Variants in EDN2 observed in about 807,000 individuals in gnomAD.
EDN2 encodes the protein endothelin 2.
EDN2 carries 10 observed loss-of-function variants against 19.9 expected under a neutral mutation model. That is an observed-to-expected ratio of 0.50 (90% CI 0.31 to 0.85). The LOEUF is 0.85. Among genes scored for constraint, EDN2 ranks in the 40% least tolerant of loss-of-function variants. The pLI is 0.05. For synonymous variants in EDN2, 84 were observed against 94.9 expected, an observed-to-expected ratio of 0.89 and a Z score of 0.67; for missense variants, 222 against 239.3, an observed-to-expected ratio of 0.93 and a Z score of 0.48.
chr1:41,479,703 C>T (rs997584755), intron 4 of EDN2, among the ~76,000 whole-genome samples: 5 of 152,210 alleles, frequency 3.3e-5, no homozygotes, highest in African/African-American at 1.2e-4. Context: ...AGCTTCTCTG[C>T]ACATGGGGGC....
At chr1:41,482,371 G>A in intron 3 of EDN2, 95 bp downstream of exon 3, 1 of 1,386,190 alleles carries the variant, frequency 7.2e-7, no homozygotes, top group Non-Finnish European at 9.3e-7. Flanking sequence ...CAACTTGCCA[G>A]TTCGCTCCTC....
intron 3 of EDN2, 93 bp from the exon 4 acceptor site, chr1:41,481,286 A>C: frequency 4.2e-6 from 4 of 960,144 alleles, no homozygotes; most frequent in Non-Finnish European, 6.4e-6. Context: ...CCCCTTCCCC[A>C]TCCCCACCTG....
chr1:41,480,980 C>G lies in EDN2; in HGVS notation c.443+115G>C, dbSNP rs11572365. Reference sequence around the variant, plus strand: ...GGGCAAGTGGCTTTCCCTCTCTGAGCCTCAGTTCTCTTTGCTGCCCAATGA... The same window carrying G: ...GGGCAAGTGGCTTTCCCTCTCTGAGGCTCAGTTCTCTTTGCTGCCCAATGA... On this transcript the variant is annotated intron_variant, in intron 4 of 4. Coordinates refer to ENST00000372587, the MANE Select transcript of EDN2 (RefSeq NM_001956.5). 1.6e-4 allele frequency: 138 copies of G among 864,402 alleles called. No individual in the cohort carries two copies. In the East Asian group the frequency reaches 3.5e-3, roughly 22 times the overall value. 53.5% of individuals were successfully genotyped at this position (864,402 alleles called of 1,614,324 possible).
intron 2 of EDN2, chr1:41,483,121 T>TGG (rs751930472): frequency 1.8e-5 from 2 of 108,274 alleles, no homozygotes; most frequent in East Asian, 4.0e-4. Flanking sequence ...GACTTGAAAG[T>TGG]GGGGTGTGTG....
At chr1:41,482,663 G>A in intron 2 of EDN2, 75 bp from the exon 3 acceptor site, 1 of 1,475,402 alleles carries the variant, frequency 6.8e-7, no homozygotes, top group Non-Finnish European at 8.9e-7. Context: ...TAAAGAGAGA[G>A]AGGATTAAAT....
At chr1:41,480,922 T>C in intron 4 of EDN2, 173 bp downstream of exon 4, 1 of 651,652 alleles carries the variant, frequency 1.5e-6, no homozygotes, top group Non-Finnish European at 2.8e-6. Flanking sequence ...GACTCTGGGG[T>C]CAGCCAGATG....
In EDN2 at chr1:41,482,549, G is replaced by T. The variant is rs778406208; in HGVS notation, c.261C>A (p.Arg87=). The T allele has an allele frequency of 4.4e-6, 7 of 1,588,260 alleles. No individual in the cohort carries two copies. The East Asian group carries it at 1.7e-4, about 38-fold the overall frequency. Residue 87 remains arginine (R), a synonymous_variant, in exon 3 of 5, where the codon CGC becomes CGA. Transcript: ENST00000372587. ...APYGLGNPPR[R]RRRSLPRRCQ... is the part of the protein sequence containing the mutation. The stretch of plus-strand genomic sequence containing the variant: ...AGCGCCTTGGCAGGGAGCGGCGCCG[G>T]CGTCTTGGCGGGTTTCCCAGGCCGT...
At chr1:41,483,960 T>A in intron 2 of EDN2, 87 bp downstream of exon 2, 1 of 1,399,550 alleles carries the variant, frequency 7.1e-7, no homozygotes, top group South Asian at 1.4e-5. Flanking sequence ...AGATGGAATG[T>A]GTCAACGTTC....
At chr1:41,483,763 G>T (rs1391270254) in intron 2 of EDN2, 1 of 324,724 alleles carries the variant, frequency 3.1e-6, no homozygotes, top group Non-Finnish European at 5.7e-6. Flanking sequence ...TGTGATCTTG[G>T]GGGAGGCGCT....
chr1:41,480,814 G>A (rs780810724), intron 4 of EDN2: 7 of 603,238 alleles, frequency 1.2e-5, no homozygotes, highest in South Asian at 7.6e-5. Flanking sequence ...CAGCCTGAAC[G>A]AACAACTGTG....
At chr1:41,481,032 A>G in intron 4 of EDN2, 63 bp downstream of exon 4, 7 of 1,369,214 alleles carry the variant, frequency 5.1e-6, no homozygotes, top group Non-Finnish European at 6.2e-6. Context: ...CACATAGAAA[A>G]TATGGGAAAT....
chr1:41,481,243 A>T, intron 3 of EDN2, 50 bp from the exon 4 acceptor site: 1 of 1,537,540 alleles, frequency 6.5e-7, no homozygotes, highest in Non-Finnish European at 9.0e-7. Context: ...AGGGCCCTGA[A>T]GCTACCTGGC....
chr1:41,481,273 C>T (rs1644245373), intron 3 of EDN2, 80 bp from the exon 4 acceptor site: 2 of 1,157,854 alleles, frequency 1.7e-6, no homozygotes, highest in East Asian at 2.4e-5. Flanking sequence ...AGCCCAGCCC[C>T]CACCCCTTCC....
At chr1:41,480,963 G>A (rs1267967431) in intron 4 of EDN2, 132 bp downstream of exon 4, 3 of 747,804 alleles carry the variant, frequency 4.0e-6, no homozygotes, top group South Asian at 1.7e-5. Context: ...TTGGGCAAGT[G>A]GCTTTCCCTC....
At position 41,478,999 on chromosome 1, in the gene EDN2, G is replaced by A. The variant is rs775694719; in HGVS notation, c.*410C>T. ...GAGGACACAGCCAGCCAGGATGCCA[G>A]CCTCAGGGGAGCCATCCAGCCTCCA... is the stretch of plus-strand genomic sequence containing the variant. On this transcript the variant is annotated 3_prime_UTR_variant, in exon 5 of 5. Coordinates refer to ENST00000372587, the MANE Select transcript of EDN2 (RefSeq NM_001956.5). 18 of 340,268 alleles carry A rather than the reference G, an allele frequency of 5.3e-5. 1 individual carries two copies. The highest frequency in any genetic ancestry group is 8.1e-5 in the Non-Finnish European group (14 of 171,878). The allele number at this position is 340,268 out of a possible 1,614,324, so 21.1% of individuals were successfully genotyped here.
Position 41,481,197 on chromosome 1 carries a change from C to G in EDN2, c.345-4G>C. 6.2e-7 allele frequency: 1 copy of G among 1,613,226 alleles called. No individual in the cohort carries two copies. On this transcript the variant is annotated splice_polypyrimidine_tract_variant and splice_region_variant and intron_variant, in intron 3 of 4. Transcript: ENST00000372587. ...TGGGACTGCCCCGGCTTCAGTCCTA[C>G]GTGAATAGCATTAGGGCCCAAGTGA...
chr1:41,483,761 T>G, intron 2 of EDN2: 1 of 313,066 alleles, frequency 3.2e-6, no homozygotes, highest in Non-Finnish European at 5.9e-6. Context: ...TGTGTGATCT[T>G]GGGGGAGGCG....
At position 41,481,190 on chromosome 1, in the gene EDN2, A is replaced by G. The variant is rs1644244546; in HGVS notation, c.348T>C (p.Thr116=). 6.2e-7 allele frequency: 1 copy of G among 1,613,760 alleles called. No individual in the cohort carries two copies. Among genetic ancestry groups the G allele is most frequent in the South Asian group, 1.1e-5 (1 of 91,068 alleles). ...CATFCLRRPW[T]EAGAVPSRKS... is the part of the protein sequence containing the mutation. ...TCCGGCTTGGGACTGCCCCGGCTTC[A>G]GTCCTACGTGAATAGCATTAGGGCC... Residue 116 remains threonine, a synonymous_variant, in exon 4 of 5, where the codon ACT becomes ACC. Transcript: ENST00000372587.
chr1:41,479,553 A>G (rs1644229863), intron 4 of EDN2, 51 bp from the exon 5 acceptor site: 1 of 1,525,764 alleles, frequency 6.6e-7, no homozygotes. Context: ...TGGACTGTCC[A>G]AGAGCTCCCC....
Sources: gnomAD v4.1 joint callset for allele counts (sites outside exome capture counted in the v4.1 genomes callset) on GRCh38, gnomAD v4.1.1 for gene constraint, MANE v1.5 for transcripts, NCBI Gene and HGNC (gene_info 2026-07-23, HGNC 2026-07-21) for gene names.